ACER1: variants seen among roughly 807,000 people sequenced by gnomAD.
ACER1 encodes the protein CTB-180A7.3.
In ACER1, 28 loss-of-function variants were observed where a neutral mutation model predicts 24.9. That is an observed-to-expected ratio of 1.13 (90% confidence interval 0.83 to 1.54). ACER1 has a LOEUF of 1.54. Ranked by LOEUF, ACER1 falls within the 40% of genes most tolerant of loss-of-function variation. The pLI is 0.00. For missense variants in ACER1, 352 were observed against 349.3 expected (o/e 1.01, Z -0.06); for synonymous variants, 132 against 131.4 (o/e 1.00, Z -0.03).
the ACER1 span, among the ~76,000 whole-genome samples, chr19:6,352,155 G>A: frequency 6.6e-6 from 1 of 151,950 alleles, no homozygotes; most frequent in African/African-American, 2.4e-5. Context: ...ACTATCTCCA[G>A]AGACAGCCGC....
rs138839429 is a variant in ACER1, at chr19:6,323,345, T to C, written c.93+10114A>G. Among the ~76,000 whole-genome samples, 352 of 145,934 alleles carry C rather than the reference T, an allele frequency of 2.4e-3. 9 individuals are homozygous for C. The East Asian group carries it at 0.068, about 28-fold the overall frequency. On this transcript the variant is annotated intron_variant, in intron 1 of 5. Transcript: ENST00000301452. ...TGAGGCAGGAGAATGGTGTGAACCCTAGGGGGCAGAGCCTGCAGTGAGCAG... is the reference window on the plus strand; with the variant it reads ...TGAGGCAGGAGAATGGTGTGAACCCCAGGGGGCAGAGCCTGCAGTGAGCAG...
upstream of ACER1, among the ~76,000 whole-genome samples, chr19:6,337,607 C>T (rs2091719170): frequency 6.8e-6 from 1 of 148,070 alleles, no homozygotes; most frequent in African/African-American, 2.5e-5. Flanking sequence ...GCGTGGACCA[C>T]CCTGCCTGGC....
At chr19:6,340,513 G>T in the ACER1 span, among the ~76,000 whole-genome samples, 3 of 152,116 alleles carry the variant, frequency 2.0e-5, no homozygotes, top group African/African-American at 7.2e-5. Context: ...TGCCACCCCA[G>T]CTCCCCAGTA....
At chr19:6,350,556 G>C in the ACER1 span, among the ~76,000 whole-genome samples, 1 of 142,432 alleles carries the variant, frequency 7.0e-6, no homozygotes, top group East Asian at 2.3e-4. Context: ...GGGTGACAGA[G>C]CAAGACTCCG....
chr19:6,355,221 T>C, the ACER1 span, among the ~76,000 whole-genome samples: 3 of 151,536 alleles, frequency 2.0e-5, no homozygotes, highest in African/African-American at 7.3e-5. Context: ...AGTGCCGAGA[T>C]TGCAGCCTCT....
chr19:6,311,154 A>G (rs2091577845), intron 3 of ACER1, among the ~76,000 whole-genome samples: 1 of 147,596 alleles, frequency 6.8e-6, no homozygotes, highest in African/African-American at 2.5e-5. Context: ...GAGATGTCAG[A>G]CAGTGGCTCT....
At chr19:6,307,326 G>A in intron 4 of ACER1, 36 bp from the exon 5 acceptor site, 1 of 1,611,110 alleles carries the variant, frequency 6.2e-7, no homozygotes. Flanking sequence ...GGCTGGCTCG[G>A]AGAGCAGCAC....
intron 1 of ACER1, among the ~76,000 whole-genome samples, chr19:6,314,036 G>T (rs1174646441): frequency 6.6e-6 from 1 of 152,068 alleles, no homozygotes; most frequent in Non-Finnish European, 1.5e-5. Context: ...GGAGGCTGAG[G>T]CAGGTAGATC....
At chr19:6,345,802 T>A in the ACER1 span, among the ~76,000 whole-genome samples, 1 of 151,896 alleles carries the variant, frequency 6.6e-6, no homozygotes, top group East Asian at 1.9e-4. Context: ...TGACCTCAGA[T>A]GATCCACCTG....
chr19:6,306,662 C>A lies in ACER1; in HGVS notation c.*52G>T. On this transcript the variant is annotated 3_prime_UTR_variant, in exon 6 of 6. Coordinates refer to ENST00000301452, the MANE Select transcript of ACER1 (RefSeq NM_133492.3). ...CAAGTCCTGACCGGGGCTATCTTCT[C>A]AAGACACAGGCAAGTTGTTGGGTGG... The A allele has an allele frequency of 6.4e-7, 1 of 1,559,934 alleles. No individual in the cohort carries two copies. The highest frequency in any genetic ancestry group is 8.7e-7 in the Non-Finnish European group (1 of 1,149,538).
the ACER1 span, among the ~76,000 whole-genome samples, chr19:6,358,626 C>CAA: frequency 8.4e-5 from 8 of 95,684 alleles, no homozygotes; most frequent in Admixed American, 1.2e-4. Flanking sequence ...GACTCCATCT[C>CAA]AAAAAAAAAA....
At chr19:6,323,713 G>T (rs1438129738) in intron 1 of ACER1, among the ~76,000 whole-genome samples, 1 of 152,182 alleles carries the variant, frequency 6.6e-6, no homozygotes. Flanking sequence ...TCTTGCTTTT[G>T]GTAGGGCCTG....
the ACER1 span, among the ~76,000 whole-genome samples, chr19:6,341,478 T>A: frequency 6.9e-6 from 1 of 144,754 alleles, no homozygotes; most frequent in Admixed American, 7.1e-5. Flanking sequence ...GAGCTATGTG[T>A]GCACCACTGC....
upstream of ACER1, among the ~76,000 whole-genome samples, chr19:6,335,177 TTTC>T (rs1414574522): frequency 3.4e-5 from 5 of 147,152 alleles, no homozygotes; most frequent in Non-Finnish European, 7.5e-5. Flanking sequence ...TTATATAATT[TTTC>T]TTTTTTTAAG....
the ACER1 span, among the ~76,000 whole-genome samples, chr19:6,354,330 G>T: frequency 5.3e-5 from 8 of 151,976 alleles, no homozygotes; most frequent in South Asian, 1.5e-3. Context: ...TAATTGATGG[G>T]GGTAGGGGTG....
At chr19:6,339,587 G>A in the ACER1 span, among the ~76,000 whole-genome samples, 1 of 152,150 alleles carries the variant, frequency 6.6e-6, no homozygotes, top group African/African-American at 2.4e-5. Context: ...GCTGAACTAT[G>A]CATTTGATGA....
At chr19:6,337,645 TTTTC>T (rs1568315504), upstream of ACER1, among the ~76,000 whole-genome samples, 138 of 96,174 alleles carry the variant, frequency 1.4e-3, 1 homozygote, top group East Asian at 0.048. Flanking sequence ...TTTTCTTTTC[TTTTC>T]TTTCTTTCTT....
rs770890439 is a variant in ACER1 at position 6,312,392 on chromosome 19, C to A, written c.201G>T (p.Met67Ile). 2.5e-6 allele frequency: 4 copies of A among 1,613,992 alleles called. No homozygotes were observed. The South Asian group carries it at 4.4e-5, about 18-fold the overall frequency. Residue 67 changes from methionine (M) to isoleucine (I), a missense_variant, in exon 2 of 6, where the codon ATG (methionine) becomes ATT (isoleucine). Coordinates refer to ENST00000301452, the MANE Select transcript of ACER1 (RefSeq NM_133492.3). ...TGAACCACACCTCCCTACCTATGAT[C>A]ATGAAGAGGACCCAGACAACGTAAA... The part of the protein sequence containing the change: ...RYIYVVWVLF[M>I]IIGLFSMYFH...
chr19:6,309,929 A>C, intron 3 of ACER1, 95 bp from the exon 4 acceptor site: 1 of 1,503,202 alleles, frequency 6.7e-7, no homozygotes, highest in Non-Finnish European at 9.1e-7. Context: ...TGGGTGAGAA[A>C]AGGACAGGAT....
Sources: allele counts gnomAD v4.1 joint callset (sites outside exome capture counted in the v4.1 genomes callset), GRCh38; gene constraint gnomAD v4.1.1; transcripts MANE v1.5; gene names NCBI Gene and HGNC (gene_info 2026-07-23, HGNC 2026-07-21).